HNMT: variants seen among roughly 807,000 people sequenced by gnomAD.
The protein encoded by HNMT is histamine N-methyltransferase.
Under a neutral mutation model 32.1 loss-of-function variants are expected in HNMT, and 30 were observed. That is an observed-to-expected ratio of 0.93 (90% CI 0.70 to 1.27). The LOEUF is 1.27. Among genes scored for constraint, HNMT ranks in the 50% most tolerant of loss-of-function variants. The probability of loss-of-function intolerance (pLI) is 0.00; values close to 1 mark genes in which losing one functional copy is unlikely to be tolerated. For missense variants in HNMT, 327 were observed against 346.0 expected, an observed-to-expected ratio of 0.95 and a Z score of 0.43; for synonymous variants, 125 against 119.0, an observed-to-expected ratio of 1.05 and a Z score of -0.33.
chr2:138,003,044 T>A (rs371590457), intron 4 of HNMT, among the ~76,000 whole-genome samples: 7 of 128,322 alleles, frequency 5.5e-5, no homozygotes, highest in Admixed American at 2.9e-4. Context: ...TGAGAACACA[T>A]GGACACAGGA....
chr2:137,999,632 A>C (rs1681099369), intron 2 of HNMT, among the ~76,000 whole-genome samples: 2 of 152,152 alleles, frequency 1.3e-5, no homozygotes, highest in African/African-American at 2.4e-5. Context: ...AATGTTAAAG[A>C]CTAACATCAT....
At chr2:138,008,190 T>C (rs141132111) in intron 5 of HNMT, among the ~76,000 whole-genome samples, 2,255 of 152,134 alleles carry the variant, frequency 0.015, 65 homozygotes, top group African/African-American at 0.05. Context: ...CTTCTTTGTG[T>C]TCATCAGTTC....
intron 4 of HNMT, among the ~76,000 whole-genome samples, chr2:138,003,283 G>A (rs191477735): frequency 1.3e-5 from 2 of 152,132 alleles, no homozygotes; most frequent in East Asian, 3.9e-4. Context: ...GATAGCATGG[G>A]GCTGGATTTC....
chr2:137,981,421 A>G (rs1231013867), intron 2 of HNMT: 3 of 1,525,384 alleles, frequency 2.0e-6, no homozygotes, highest in East Asian at 4.5e-5. Flanking sequence ...CATCTTTTCC[A>G]TGAAGCCTAC....
intron 2 of HNMT, among the ~76,000 whole-genome samples, chr2:137,989,460 T>G (rs1291864898): frequency 1.3e-5 from 2 of 152,236 alleles, no homozygotes; most frequent in Non-Finnish European, 2.9e-5. Context: ...TACCACAGAT[T>G]CTTTGTTTGT....
chr2:137,975,857 G>A (rs1680270485), intron 2 of HNMT, among the ~76,000 whole-genome samples: 2 of 152,182 alleles, frequency 1.3e-5, no homozygotes, highest in African/African-American at 4.8e-5. Flanking sequence ...TTGGAAAAAA[G>A]AATTTGATTG....
chr2:137,978,312 T>G lies in HNMT; in HGVS notation c.190+8095T>G, dbSNP rs543802825. ...TACAGTTATGTATGTATATATTAAC[T>G]GTAATATAATATTACATAATTATAT... On this transcript the variant is annotated intron_variant, in intron 2 of 5. Coordinates refer to ENST00000280097, the MANE Select transcript of HNMT (RefSeq NM_006895.3). Among the ~76,000 whole-genome samples the G allele has an allele frequency of 2.3e-3, 345 of 146,834 alleles. 3 individuals carry two copies. Among genetic ancestry groups the G allele is most frequent in the Middle Eastern group, 3.8e-3 (1 of 266 alleles).
intron 2 of HNMT, chr2:137,988,667 G>C (rs903444742): frequency 2.0e-5 from 3 of 152,140 alleles, no homozygotes; most frequent in African/African-American, 7.2e-5. Context: ...TTGAGGTCAA[G>C]AGTTCGAGAC....
intron 1 of HNMT, chr2:137,967,078 C>T (rs760405367): frequency 3.8e-6 from 3 of 780,396 alleles, no homozygotes; most frequent in African/African-American, 3.4e-5. Flanking sequence ...TCTAAAGGTA[C>T]TTTTCCACTG....
chr2:138,013,196 C>T (rs1681561288), intron 5 of HNMT, among the ~76,000 whole-genome samples: 1 of 152,150 alleles, frequency 6.6e-6, no homozygotes, highest in African/African-American at 2.4e-5. Flanking sequence ...TCCTGCTGGA[C>T]AATGCAGATA....
At chr2:137,971,983 C>A (rs760280900) in intron 2 of HNMT, among the ~76,000 whole-genome samples, 11 of 152,252 alleles carry the variant, frequency 7.2e-5, no homozygotes, top group Non-Finnish European at 1.5e-4. Flanking sequence ...AAGTGGTAAT[C>A]CCTTGAACCT....
chr2:138,008,060 G>A (rs1681380946), intron 5 of HNMT, among the ~76,000 whole-genome samples: 1 of 151,812 alleles, frequency 6.6e-6, no homozygotes, highest in Non-Finnish European at 1.5e-5. Context: ...TGTCCGGGGG[G>A]TTGTTAAACA....
At chr2:137,970,933 A>AAAAGAAAGAAAGAAAGAAAGAAAGAAAG (rs779617692) in intron 2 of HNMT, among the ~76,000 whole-genome samples, 2 of 86,686 alleles carry the variant, frequency 2.3e-5, no homozygotes, top group African/African-American at 8.9e-5. Context: ...AAAAAAAAAA[A>AAAAGAAAGAAAGAAAGAAAGAAAGAAAG]AAAGAAAGAA....
intron 2 of HNMT, chr2:137,981,512 T>C (rs1680500021): frequency 5.5e-6 from 4 of 732,054 alleles, no homozygotes; most frequent in Non-Finnish European, 9.3e-6. Context: ...TCCGTGGGAC[T>C]TCCCACCATC....
At chr2:138,007,819 A>G (rs1485276293) in intron 5 of HNMT, among the ~76,000 whole-genome samples, 2 of 151,904 alleles carry the variant, frequency 1.3e-5, no homozygotes, top group Admixed American at 1.3e-4. Flanking sequence ...AAGAGGAACA[A>G]AGAACAGAAT....
chr2:138,012,293 G>A lies in HNMT; in HGVS notation c.524-1482G>A, dbSNP rs62167071. ...TAAGTTCTGAGAGGCTAGATAACAA[G>A]CCTCATCTCATTCATAAAGCATCAG... On this transcript the variant is annotated intron_variant, in intron 5 of 5. Transcript: ENST00000280097. 1.8e-3 allele frequency among the ~76,000 whole-genome samples: 278 copies of A among 152,188 alleles called. 1 individual carries two copies. The highest frequency in any genetic ancestry group is 6.8e-3 in the Middle Eastern group (2 of 294).
intron 1 of HNMT, chr2:137,967,054 T>G: frequency 1.3e-6 from 1 of 780,100 alleles, no homozygotes; most frequent in Non-Finnish European, 2.4e-6. Flanking sequence ...CTGAAAATGG[T>G]TTTGTATAAT....
At chr2:137,990,520 G>C (rs186780824) in intron 2 of HNMT, among the ~76,000 whole-genome samples, 4 of 151,916 alleles carry the variant, frequency 2.6e-5, no homozygotes, top group Non-Finnish European at 4.4e-5. Context: ...AGATAGTGTC[G>C]GTTCTCCAAC....
rs1399116067 is a variant in HNMT at position 138,000,899 on chromosome 2, C to G, written c.191-19C>G. ...TCTTGCTGGAATGATGTGACCTGTC[C>G]CATATGTTTATCTTCTAGGTGAAAT... On this transcript the variant is annotated intron_variant, in intron 2 of 5. Coordinates refer to ENST00000280097, the MANE Select transcript of HNMT (RefSeq NM_006895.3). 3 of 1,360,026 alleles carry G rather than the reference C, an allele frequency of 2.2e-6. No individual in the cohort carries two copies. The highest frequency in any genetic ancestry group is 3.1e-6 in the Non-Finnish European group (3 of 957,504). 84.2% of individuals were successfully genotyped at this position (1,360,026 alleles called of 1,614,324 possible).
Sources: allele counts gnomAD v4.1 joint callset (sites outside exome capture counted in the v4.1 genomes callset), GRCh38; gene constraint gnomAD v4.1.1; transcripts MANE v1.5; gene names NCBI Gene and HGNC (gene_info 2026-07-23, HGNC 2026-07-21).